The following DPP10 variants were observed in gnomAD, a reference collection of about 807,000 sequenced individuals.
DPP10 encodes the protein inactive dipeptidyl peptidase 10.
A neutral mutation model predicts 120.9 loss-of-function variants in DPP10; 33 were observed. That is an observed-to-expected ratio of 0.27 (90% CI 0.21 to 0.37). The LOEUF (loss-of-function observed/expected upper bound fraction) is 0.37, where lower values mean the gene tolerates loss of function less well. Ranked by LOEUF, DPP10 falls within the 10% of genes least tolerant of loss-of-function variation. DPP10 has a pLI of 1.00. For synonymous variants in DPP10, 337 were observed against 326.1 expected, an observed-to-expected ratio of 1.03 and a Z score of -0.36; for missense variants, 816 against 942.8, an observed-to-expected ratio of 0.87 and a Z score of 1.76.
chr2:115,616,227 GTAAA>G (rs1217695230), intron 5 of DPP10, among the ~76,000 whole-genome samples: 3 of 152,056 alleles, frequency 2.0e-5, no homozygotes, highest in African/African-American at 7.2e-5. Flanking sequence ...CACTTTGTCA[GTAAA>G]TAAATATTCA....
intron 1 of DPP10, among the ~76,000 whole-genome samples, chr2:115,273,981 A>G (rs553328508): frequency 6.6e-6 from 1 of 152,240 alleles, no homozygotes; most frequent in East Asian, 1.9e-4. Flanking sequence ...CTGTGCTTGC[A>G]TGCATCATGC....
At position 114,934,585 on chromosome 2, in the gene DPP10, A is replaced by G. The variant is rs542301522; in HGVS notation, c.61-374654A>G. ...AATCTACAAATAAGTGGACCCCTGT[A>G]GTTGAAATCTGTGTCATTCATGGGT... On this transcript the variant is annotated intron_variant, in intron 1 of 25. Transcript: ENST00000410059. 5.9e-5 allele frequency among the ~76,000 whole-genome samples: 9 copies of G among 152,120 alleles called. No individual in the cohort carries two copies. In the East Asian group the frequency reaches 1.7e-3, roughly 29 times the overall value.
intron 1 of DPP10, among the ~76,000 whole-genome samples, chr2:114,683,419 T>C (rs1025175743): frequency 2.0e-5 from 3 of 151,594 alleles, no homozygotes; most frequent in African/African-American, 4.8e-5. Flanking sequence ...AAGGATAAAC[T>C]CTTCACCACC....
At chr2:114,787,527 T>C (rs1420491641) in intron 1 of DPP10, among the ~76,000 whole-genome samples, 1 of 152,196 alleles carries the variant, frequency 6.6e-6, no homozygotes, top group Non-Finnish European at 1.5e-5. Flanking sequence ...GCTTGAATAT[T>C]ATTTGGATTC....
At chr2:115,003,304 T>C (rs1411417109) in intron 1 of DPP10, among the ~76,000 whole-genome samples, 2 of 151,608 alleles carry the variant, frequency 1.3e-5, no homozygotes, top group African/African-American at 2.4e-5. Flanking sequence ...TTATGGGAAC[T>C]AATAAATGAG....
chr2:114,739,739 A>G (rs936750750), intron 1 of DPP10, among the ~76,000 whole-genome samples: 4 of 152,182 alleles, frequency 2.6e-5, no homozygotes, highest in African/African-American at 9.6e-5. Context: ...GGCAACGTTT[A>G]GATTTTCCTT....
chr2:114,956,069 C>T (rs966304778), intron 1 of DPP10, among the ~76,000 whole-genome samples: 4 of 151,942 alleles, frequency 2.6e-5, no homozygotes, highest in African/African-American at 9.7e-5. Flanking sequence ...CACTTTTATT[C>T]AACATAGTAC....
intron 1 of DPP10, among the ~76,000 whole-genome samples, chr2:115,274,189 T>A (rs540507329): frequency 3.3e-5 from 5 of 152,174 alleles, no homozygotes; most frequent in Admixed American, 6.6e-5. Flanking sequence ...AGAATGATAA[T>A]CTTATTATAT....
intron 1 of DPP10, among the ~76,000 whole-genome samples, chr2:115,059,539 C>G (rs907113587): frequency 1.3e-5 from 2 of 151,986 alleles, no homozygotes; most frequent in African/African-American, 4.8e-5. Flanking sequence ...CTTTATTTCT[C>G]CAACCATGAC....
intron 1 of DPP10, among the ~76,000 whole-genome samples, chr2:115,103,886 G>A (rs1050439019): frequency 2.0e-5 from 3 of 152,126 alleles, no homozygotes; most frequent in African/African-American, 7.2e-5. Flanking sequence ...AGGACCAGAA[G>A]TGTTTTGGAT....
At chr2:114,444,049 A>G (rs1460963280) in intron 1 of DPP10, among the ~76,000 whole-genome samples, 1 of 152,176 alleles carries the variant, frequency 6.6e-6, no homozygotes, top group Non-Finnish European at 1.5e-5. Flanking sequence ...TAAATGATGC[A>G]TAATTAGATT....
At chr2:115,680,532 A>T (rs968108678) in intron 5 of DPP10, among the ~76,000 whole-genome samples, 5 of 151,960 alleles carry the variant, frequency 3.3e-5, no homozygotes, top group Non-Finnish European at 7.4e-5. Flanking sequence ...GGGGAATAAA[A>T]AACAAAAGTG....
rs991108710 is a variant in DPP10 at position 115,809,707 on chromosome 2, T to C, written c.1701-5086T>C. On this transcript the variant is annotated intron_variant, in intron 19 of 25. Coordinates refer to ENST00000410059, the MANE Select transcript of DPP10 (RefSeq NM_020868.6). ...TGAACTGAGATGACTATAAAGCAGT[T>C]CTCTCTATGTCCCCTCTTTCCACTG... Among the ~76,000 whole-genome samples the C allele has an allele frequency of 2.6e-5, 4 of 152,160 alleles. No individual in the cohort carries two copies. The South Asian group carries it at 8.3e-4, about 31-fold the overall frequency.
At chr2:114,929,363 T>C (rs1695892371) in intron 1 of DPP10, among the ~76,000 whole-genome samples, 3 of 152,202 alleles carry the variant, frequency 2.0e-5, no homozygotes, top group Non-Finnish European at 4.4e-5. Context: ...GGCTGGAATT[T>C]CCTAATCCTA....
chr2:115,079,937 G>A (rs2104489499), intron 1 of DPP10, among the ~76,000 whole-genome samples: 1 of 152,336 alleles, frequency 6.6e-6, no homozygotes, highest in Non-Finnish European at 1.5e-5. Context: ...GAGAGGCTTT[G>A]TGATGATGGC....
chr2:114,535,860 C>T (rs1464191643), intron 1 of DPP10, among the ~76,000 whole-genome samples: 1 of 152,216 alleles, frequency 6.6e-6, no homozygotes, highest in African/African-American at 2.4e-5. Flanking sequence ...TTTTCAACCT[C>T]ATTTTTCACC....
rs138899631 is a variant in DPP10, at chr2:115,714,574, G to A, written c.577-13242G>A. Among the ~76,000 whole-genome samples the A allele has an allele frequency of 3.9e-4, 59 of 152,180 alleles. No homozygotes were observed. In the East Asian group the frequency reaches 9.5e-3, roughly 24 times the overall value. ...GTTCTCCAATAATTCTTTTACATTT[G>A]TATCTTGACCCCACTCTTTCTCTAG... is the stretch of plus-strand genomic sequence containing the variant. On this transcript the variant is annotated intron_variant, in intron 7 of 25. Transcript: ENST00000410059.
chr2:114,612,171 G>A (rs545539746), intron 1 of DPP10, among the ~76,000 whole-genome samples: 8 of 152,230 alleles, frequency 5.3e-5, no homozygotes, highest in South Asian at 2.1e-4. Flanking sequence ...GGCCCTGCAC[G>A]GATGGCATCA....
chr2:114,796,562 G>A (rs1446975333), intron 1 of DPP10, among the ~76,000 whole-genome samples: 2 of 152,042 alleles, frequency 1.3e-5, no homozygotes, highest in Non-Finnish European at 2.9e-5. Flanking sequence ...TAATATTTAA[G>A]TTTTTAGGAA....
Sources: gnomAD v4.1 joint callset for allele counts (sites outside exome capture counted in the v4.1 genomes callset) on GRCh38, gnomAD v4.1.1 for gene constraint, MANE v1.5 for transcripts, NCBI Gene and HGNC (gene_info 2026-07-23, HGNC 2026-07-21) for gene names.